The following C10orf90 variants were observed in gnomAD, a reference collection of about 807,000 sequenced individuals.
C10orf90 encodes the protein (E2-independent) E3 ubiquitin-conjugating enzyme FATS.
C10orf90 carries 56 observed loss-of-function variants against 62.5 expected under a neutral mutation model. The observed-to-expected ratio is 0.90, with a 90% CI of 0.72 to 1.12. The LOEUF (loss-of-function observed/expected upper bound fraction) is 1.12. Among genes scored for constraint, C10orf90 ranks in the 50% most tolerant of loss-of-function variants. The probability of loss-of-function intolerance (pLI) is 0.00; values close to 1 mark genes in which losing one functional copy is unlikely to be tolerated. For missense variants in C10orf90, 970 were observed against 880.4 expected, an observed-to-expected ratio of 1.10 and a Z score of -1.29; for synonymous variants, 386 against 340.4, an observed-to-expected ratio of 1.13 and a Z score of -1.47.
intron 2 of C10orf90, among the ~76,000 whole-genome samples, chr10:126,639,745 A>G (rs1392055467): frequency 6.6e-6 from 1 of 152,234 alleles, no homozygotes; most frequent in African/African-American, 2.4e-5. Context: ...AGCTATATAG[A>G]CTGCGAAATC....
At chr10:126,608,289 T>G (rs1051188657) in intron 2 of C10orf90, among the ~76,000 whole-genome samples, 1 of 152,108 alleles carries the variant, frequency 6.6e-6, no homozygotes, top group African/African-American at 2.4e-5. Context: ...TGTTTAATTT[T>G]TTTGTAGAGA....
At chr10:126,539,597 G>A (rs1434696404) in intron 2 of C10orf90, among the ~76,000 whole-genome samples, 1 of 152,048 alleles carries the variant, frequency 6.6e-6, no homozygotes, top group East Asian at 1.9e-4. Context: ...ATATGAATGA[G>A]ATGACTAAGT....
chr10:126,564,655 C>T (rs1844260179), intron 2 of C10orf90, among the ~76,000 whole-genome samples: 1 of 147,954 alleles, frequency 6.8e-6, no homozygotes, highest in African/African-American at 2.5e-5. Flanking sequence ...TGCTCCACAG[C>T]CACCCAGACA....
chr10:126,633,678 A>C (rs1310810708), intron 2 of C10orf90, among the ~76,000 whole-genome samples: 1 of 152,224 alleles, frequency 6.6e-6, no homozygotes, highest in Admixed American at 6.5e-5. Flanking sequence ...CAGGTCATCC[A>C]ACAGGTTGTC....
At chr10:126,559,331 G>C (rs1864849817) in intron 2 of C10orf90, among the ~76,000 whole-genome samples, 1 of 152,166 alleles carries the variant, frequency 6.6e-6, no homozygotes, top group African/African-American at 2.4e-5. Context: ...ATCCAGTCAA[G>C]GGTTTCTCCT....
At chr10:126,638,739 C>T (rs1846002676) in intron 2 of C10orf90, among the ~76,000 whole-genome samples, 1 of 152,190 alleles carries the variant, frequency 6.6e-6, no homozygotes. Flanking sequence ...TCACAGGAAA[C>T]CAAAGTCACC....
chr10:126,554,309 G>A (rs567965774), intron 2 of C10orf90, among the ~76,000 whole-genome samples: 1 of 152,148 alleles, frequency 6.6e-6, no homozygotes, highest in African/African-American at 2.4e-5. Flanking sequence ...CAAGTTCAAG[G>A]GGCAAAAGTA....
At chr10:126,654,189 C>T (rs1403563953) in intron 1 of C10orf90, among the ~76,000 whole-genome samples, 2 of 152,184 alleles carry the variant, frequency 1.3e-5, no homozygotes, top group African/African-American at 2.4e-5. Flanking sequence ...ACAAGAGAGT[C>T]AGCCTGTCCT....
intron 2 of C10orf90, among the ~76,000 whole-genome samples, chr10:126,575,230 A>G (rs1844586107): frequency 6.6e-6 from 1 of 152,058 alleles, no homozygotes; most frequent in Admixed American, 6.5e-5. Flanking sequence ...TGAACACAGT[A>G]TGATCTTATA....
rs1222186447 is a variant in C10orf90 at position 126,459,131 on chromosome 10, T to C, written c.2097A>G (p.Lys699=). 6.2e-7 allele frequency: 1 copy of C among 1,614,082 alleles called. No homozygotes were observed. Among genetic ancestry groups the C allele is most frequent in the Admixed American group, 1.7e-5 (1 of 60,004 alleles). Residue 699 remains lysine, a synonymous_variant, in exon 7 of 10, where the codon AAA becomes AAG. Coordinates refer to ENST00000488181, the MANE Select transcript of C10orf90 (RefSeq NM_001350921.2). ...GCCTCAGGTCCTCCTTCCGCTGGGCTTTCCTCTGCTGGACCATGTGTTCAA... is the reference window on the plus strand; with the variant it reads ...GCCTCAGGTCCTCCTTCCGCTGGGCCTTCCTCTGCTGGACCATGTGTTCAA... ...KKLEHMVQQR[K]AQRKEDLRQK...
intron 7 of C10orf90, among the ~76,000 whole-genome samples, chr10:126,438,476 G>A (rs535416201): frequency 3.2e-4 from 49 of 151,946 alleles, no homozygotes; most frequent in Admixed American, 5.9e-4. Flanking sequence ...TTTTTTTTCT[G>A]TAGGACTTAT....
At chr10:126,630,122 T>C (rs1845823591) in intron 2 of C10orf90, among the ~76,000 whole-genome samples, 1 of 152,234 alleles carries the variant, frequency 6.6e-6, no homozygotes, top group African/African-American at 2.4e-5. Context: ...ATATTTCATC[T>C]TCTTGATGTC....
chr10:126,583,091 A>G (rs1359032516), intron 2 of C10orf90, among the ~76,000 whole-genome samples: 1 of 152,258 alleles, frequency 6.6e-6, no homozygotes, highest in Middle Eastern at 3.4e-3. Flanking sequence ...CTCACTCCAT[A>G]GTTATGACAA....
intron 2 of C10orf90, among the ~76,000 whole-genome samples, chr10:126,603,354 C>A (rs181478426): frequency 6.6e-5 from 10 of 152,208 alleles, no homozygotes; most frequent in South Asian, 6.2e-4. Flanking sequence ...AACCATCAGA[C>A]CTTGTGAGAA....
chr10:126,604,616 C>G (rs1336102600), intron 2 of C10orf90, among the ~76,000 whole-genome samples: 1 of 152,154 alleles, frequency 6.6e-6, no homozygotes, highest in Admixed American at 6.5e-5. Context: ...TTTGGGGATT[C>G]TTTCCCCCTC....
At chr10:126,471,066 AG>A (rs1860560901) in intron 4 of C10orf90, among the ~76,000 whole-genome samples, 1 of 152,172 alleles carries the variant, frequency 6.6e-6, no homozygotes, top group South Asian at 2.1e-4. Flanking sequence ...GAGTCAAAAA[AG>A]GTAGGAGGAG....
At chr10:126,561,792 C>A (rs1212921618) in intron 2 of C10orf90, among the ~76,000 whole-genome samples, 1 of 152,104 alleles carries the variant, frequency 6.6e-6, no homozygotes, top group African/African-American at 2.4e-5. Context: ...GAGCAGGCCC[C>A]TTTCCCCGGG....
chr10:126,641,322 T>C (rs936206351), intron 2 of C10orf90, among the ~76,000 whole-genome samples: 1 of 152,182 alleles, frequency 6.6e-6, no homozygotes, highest in Non-Finnish European at 1.5e-5. Context: ...AAATCACTGC[T>C]TTTGTAAAAT....
intron 2 of C10orf90, among the ~76,000 whole-genome samples, chr10:126,632,035 T>C (rs915528488): frequency 1.3e-5 from 2 of 151,964 alleles, no homozygotes; most frequent in Non-Finnish European, 2.9e-5. Context: ...ACAAAGAAAC[T>C]GGCGAAACTC....
Sources: gnomAD v4.1 joint callset for allele counts (sites outside exome capture counted in the v4.1 genomes callset) on GRCh38, gnomAD v4.1.1 for gene constraint, MANE v1.5 for transcripts, NCBI Gene and HGNC (gene_info 2026-07-23, HGNC 2026-07-21) for gene names.